Variants in NUBPL observed in about 807,000 individuals in gnomAD.
NUBPL encodes iron-sulfur cluster transfer protein NUBPL.
Under a neutral mutation model 45.7 loss-of-function variants are expected in NUBPL, and 31 were observed. The observed-to-expected ratio is 0.68, with a 90% CI of 0.51 to 0.92. NUBPL has a LOEUF of 0.92. NUBPL is among the 40% of genes least tolerant of loss of function. NUBPL has a pLI of 0.00. For missense variants in NUBPL, 401 were observed against 398.7 expected (o/e 1.01, Z -0.05); for synonymous variants, 144 against 140.9 (o/e 1.02, Z -0.15).
chr14:31,627,255 A>C (rs992381369), intron 4 of NUBPL, among the ~76,000 whole-genome samples: 2 of 152,154 alleles, frequency 1.3e-5, no homozygotes, highest in Non-Finnish European at 2.9e-5. Context: ...TCATAAGGGA[A>C]ACCTTATGAG....
intron 7 of NUBPL, among the ~76,000 whole-genome samples, chr14:31,805,662 A>G (rs1036003407): frequency 6.6e-6 from 1 of 152,146 alleles, no homozygotes; most frequent in South Asian, 2.1e-4. Flanking sequence ...TGCAGGAATA[A>G]AAAAACACCC....
chr14:31,746,259 C>A (rs2038397612), intron 6 of NUBPL, among the ~76,000 whole-genome samples: 1 of 151,944 alleles, frequency 6.6e-6, no homozygotes, highest in Non-Finnish European at 1.5e-5. Context: ...GCATCCTTGT[C>A]TTGTTCCAGT....
chr14:31,683,005 A>C lies in NUBPL; in HGVS notation c.513+9431A>C, dbSNP rs756608541. ...AGAGAGAGGAAGTGAGGCGGGGAGG[A>C]GGTGCTAGGTTCCTTTTTTTTTTTT... On this transcript the variant is annotated intron_variant, in intron 6 of 10. Transcript: ENST00000281081. 2.3e-3 allele frequency among the ~76,000 whole-genome samples: 301 copies of C among 129,688 alleles called. 1 individual carries two copies. Among genetic ancestry groups the C allele is most frequent in the Non-Finnish European group, 3.0e-3 (191 of 63,362 alleles). 85.1% of individuals were successfully genotyped at this position (129,688 alleles called of 152,430 possible). A position where few individuals can be genotyped will look rare whatever the true frequency, so the allele number is the denominator to read the frequency against.
chr14:31,690,178 A>G (rs1380632194), intron 6 of NUBPL, among the ~76,000 whole-genome samples: 1 of 152,092 alleles, frequency 6.6e-6, no homozygotes, highest in African/African-American at 2.4e-5. Context: ...GGCTAACCCT[A>G]TTATTTTGTG....
intron 3 of NUBPL, among the ~76,000 whole-genome samples, chr14:31,585,729 G>C (rs933711477): frequency 1.3e-5 from 2 of 152,096 alleles, no homozygotes; most frequent in Non-Finnish European, 2.9e-5. Context: ...TTTGATTATA[G>C]TCATTCTCAT....
chr14:31,574,512 G>T (rs1269444732), intron 3 of NUBPL, among the ~76,000 whole-genome samples: 1 of 150,626 alleles, frequency 6.6e-6, no homozygotes, highest in African/African-American at 2.4e-5. Flanking sequence ...AGATCTGCCC[G>T]CCTCGGCCTC....
At chr14:31,673,222 C>T (rs940861131) in intron 4 of NUBPL, 133 bp from the exon 5 acceptor site, 14 of 684,682 alleles carry the variant, frequency 2.0e-5, no homozygotes, top group Admixed American at 5.6e-5. Context: ...CATAACATTA[C>T]GTTGTACCCC....
intron 4 of NUBPL, among the ~76,000 whole-genome samples, chr14:31,602,077 A>C (rs1485527338): frequency 6.6e-6 from 1 of 152,232 alleles, no homozygotes; most frequent in African/African-American, 2.4e-5. Flanking sequence ...TGATGAGTTC[A>C]TGTTCTTTGT....
intron 4 of NUBPL, among the ~76,000 whole-genome samples, chr14:31,663,121 G>T (rs897759327): frequency 1.3e-5 from 2 of 152,124 alleles, no homozygotes; most frequent in African/African-American, 2.4e-5. Flanking sequence ...TAAGTTCCTT[G>T]TACATTCTGT....
At chr14:31,816,629 C>T (rs368164513) in intron 7 of NUBPL, among the ~76,000 whole-genome samples, 2 of 151,984 alleles carry the variant, frequency 1.3e-5, no homozygotes, top group African/African-American at 2.4e-5. Flanking sequence ...GTTAGGGTGT[C>T]GATTTTAGAT....
chr14:31,706,027 C>T (rs1203814784), intron 6 of NUBPL, among the ~76,000 whole-genome samples: 2 of 152,198 alleles, frequency 1.3e-5, no homozygotes, highest in Non-Finnish European at 2.9e-5. Flanking sequence ...CTTGGCCAGC[C>T]CCAGGTAGGG....
At chr14:31,714,578 A>G (rs1257706592) in intron 6 of NUBPL, 1 of 152,702 alleles carries the variant, frequency 6.5e-6, no homozygotes, top group Non-Finnish European at 1.5e-5. Flanking sequence ...TCTTCTAAAC[A>G]ACCAGATCTT....
At chr14:31,639,070 C>G (rs2035599550) in intron 4 of NUBPL, among the ~76,000 whole-genome samples, 1 of 152,132 alleles carries the variant, frequency 6.6e-6, no homozygotes, top group Non-Finnish European at 1.5e-5. Flanking sequence ...TTGTCTGAAG[C>G]CTTCTTCTCT....
chr14:31,726,035 T>G (rs1477154239), intron 6 of NUBPL, among the ~76,000 whole-genome samples: 1 of 152,128 alleles, frequency 6.6e-6, no homozygotes, highest in East Asian at 1.9e-4. Context: ...GAATTAAAGA[T>G]GTATTTTATC....
intron 9 of NUBPL, among the ~76,000 whole-genome samples, chr14:31,849,076 G>A (rs551080189): frequency 2.1e-4 from 32 of 152,276 alleles, no homozygotes; most frequent in Middle Eastern, 3.4e-3. Flanking sequence ...TCATTTGGCC[G>A]TTGGATATTG....
chr14:31,751,701 A>T (rs1012488269), intron 6 of NUBPL, among the ~76,000 whole-genome samples: 2 of 152,162 alleles, frequency 1.3e-5, no homozygotes, highest in African/African-American at 2.4e-5. Context: ...TGGGGTCTGG[A>T]GAATAGTGGC....
chr14:31,722,599 A>G (rs1478910751), intron 6 of NUBPL, among the ~76,000 whole-genome samples: 1 of 152,162 alleles, frequency 6.6e-6, no homozygotes, highest in East Asian at 1.9e-4. Flanking sequence ...CTTCGCCAGT[A>G]TCTGTTATTT....
chr14:31,694,440 C>T (rs2037168981), intron 6 of NUBPL, among the ~76,000 whole-genome samples: 1 of 152,180 alleles, frequency 6.6e-6, no homozygotes, highest in African/African-American at 2.4e-5. Context: ...ATTTATTGAG[C>T]TGACAGCAGA....
chr14:31,766,373 A>G (rs1356273027), intron 6 of NUBPL, among the ~76,000 whole-genome samples: 1 of 152,182 alleles, frequency 6.6e-6, no homozygotes, highest in Non-Finnish European at 1.5e-5. Context: ...CTCCGGTTGG[A>G]AGGCAGAACA....
Sources: allele counts gnomAD v4.1 joint callset (sites outside exome capture counted in the v4.1 genomes callset), GRCh38; gene constraint gnomAD v4.1.1; transcripts MANE v1.5; gene names NCBI Gene and HGNC (gene_info 2026-07-23, HGNC 2026-07-21).